The following SPAM1 variants were observed in gnomAD, a reference collection of about 807,000 sequenced individuals.
SPAM1 encodes hyaluronidase PH-20.
A neutral mutation model predicts 29.6 loss-of-function variants in SPAM1; 22 were observed. The ratio of observed to expected loss-of-function variants is 0.74; its 90% CI spans 0.53 to 1.06. The LOEUF (loss-of-function observed/expected upper bound fraction) is 1.06, where lower values mean the gene tolerates loss of function less well. Among genes scored for constraint, SPAM1 ranks in the 50% least tolerant of loss-of-function variants. SPAM1 has a pLI of 0.00. For synonymous variants in SPAM1, 194 were observed against 204.6 expected (o/e 0.95, Z 0.44); for missense variants, 534 against 604.0 (o/e 0.88, Z 1.21).
downstream of SPAM1, among the ~76,000 whole-genome samples, chr7:123,960,433 G>A (rs1044498695): frequency 6.6e-5 from 10 of 151,948 alleles, no homozygotes; most frequent in African/African-American, 2.4e-4. Context: ...AAGAGAGAGA[G>A]GGAGAAGGAA....
At chr7:123,929,915 T>TTTTTTTTTTTTA (rs1808016749) in intron 1 of SPAM1, among the ~76,000 whole-genome samples, 1 of 149,504 alleles carries the variant, frequency 6.7e-6, no homozygotes. Context: ...TTTTTTTTTT[T>TTTTTTTTTTTTA]GAGGAGTCAG....
Position 123,953,498 on chromosome 7 carries a change from C to T in SPAM1, c.-73C>T, listed in dbSNP as rs1326676860. 5 of 837,882 alleles carry T rather than the reference C, an allele frequency of 6.0e-6. No individual in the cohort carries two copies. Among genetic ancestry groups the T allele is most frequent in the Non-Finnish European group, 9.3e-6 (5 of 535,904 alleles). 51.9% of individuals were successfully genotyped at this position (837,882 alleles called of 1,614,324 possible). A position where few individuals can be genotyped will look rare whatever the true frequency, so the allele number is the denominator to read the frequency against. On this transcript the variant is annotated 5_prime_UTR_variant, in exon 3 of 5. Transcript: ENST00000682466. Reference sequence around the variant, plus strand: ...CCATTCCCTTTCATCTGTGCTCATACTTTGCATCAGATATTGGGTAAACCA... The same window carrying T: ...CCATTCCCTTTCATCTGTGCTCATATTTTGCATCAGATATTGGGTAAACCA...
At position 123,929,895 on chromosome 7, in the gene SPAM1, A is replaced by ATTTTTTTT. The variant is rs71163712; in HGVS notation, c.-319+4556_-319+4563dup. On this transcript the variant is annotated intron_variant, in intron 1 of 4. Transcript: ENST00000682466. Reference sequence around the variant, plus strand: ...AAAGAAGGAAGCTGGGTGTTTAGGGATTTTTTTTTTTTTTTTTTTTGAGGA... The same window carrying ATTTTTTTT: ...AAAGAAGGAAGCTGGGTGTTTAGGGATTTTTTTTTTTTTTTTTTTTTTTTTTTTGAGGA... 1.4e-3 allele frequency among the ~76,000 whole-genome samples: 170 copies of ATTTTTTTT among 119,778 alleles called. 4 individuals are homozygous for ATTTTTTTT. Among genetic ancestry groups the ATTTTTTTT allele is most frequent in the African/African-American group, 4.8e-3 (157 of 32,426 alleles). The allele number at this position is 119,778 out of a possible 152,430, so 78.6% of individuals were successfully genotyped here. A position where few individuals can be genotyped will look rare whatever the true frequency, so the allele number is the denominator to read the frequency against.
intron 1 of SPAM1, among the ~76,000 whole-genome samples, chr7:123,940,851 A>G (rs986479653): frequency 3.9e-5 from 6 of 152,184 alleles, no homozygotes; most frequent in African/African-American, 1.2e-4. Flanking sequence ...TAACACATCA[A>G]TGTAAATATT....
chr7:123,957,542 T>C (rs997816710), intron 4 of SPAM1, among the ~76,000 whole-genome samples: 2 of 152,024 alleles, frequency 1.3e-5, no homozygotes, highest in African/African-American at 4.8e-5. Flanking sequence ...GTTACGAAGA[T>C]GGATGGTGTA....
chr7:123,952,322 C>G lies in SPAM1; in HGVS notation c.-206-1043C>G, dbSNP rs79280696. Reference sequence around the variant, plus strand: ...ATTTATTTTTCAGCAATGGGAATGACTGGATAATTTGCTATGGTAAGGACA... The same window carrying G: ...ATTTATTTTTCAGCAATGGGAATGAGTGGATAATTTGCTATGGTAAGGACA... On this transcript the variant is annotated intron_variant, in intron 2 of 4. Transcript: ENST00000682466. Among the ~76,000 whole-genome samples, 205 of 152,084 alleles carry G rather than the reference C, an allele frequency of 1.3e-3. 5 individuals carry two copies. In the East Asian group the frequency reaches 0.035, roughly 26 times the overall value.
rs1188979243 is a variant in SPAM1, at chr7:123,954,542, T to C, written c.954+18T>C. The C allele has an allele frequency of 6.1e-6, 9 of 1,487,152 alleles. No individual in the cohort carries two copies. Among genetic ancestry groups the C allele is most frequent in the Middle Eastern group, 1.8e-4 (1 of 5,668 alleles). 92.1% of individuals were successfully genotyped at this position (1,487,152 alleles called of 1,614,324 possible). A position where few individuals can be genotyped will look rare whatever the true frequency, so the allele number is the denominator to read the frequency against. ...TTTCTCAAGTAAGTAAATCAGGGTATGAGGGCTAGGAAATGAAATTCACAA... is the reference window on the plus strand; with the variant it reads ...TTTCTCAAGTAAGTAAATCAGGGTACGAGGGCTAGGAAATGAAATTCACAA... On this transcript the variant is annotated intron_variant, in intron 3 of 4. Transcript: ENST00000682466.
At chr7:123,931,098 G>A (rs1291169527) in intron 1 of SPAM1, among the ~76,000 whole-genome samples, 1 of 152,128 alleles carries the variant, frequency 6.6e-6, no homozygotes, top group African/African-American at 2.4e-5. Flanking sequence ...CAATGAGGAT[G>A]CTGCTTGCAC....
intron 4 of SPAM1, among the ~76,000 whole-genome samples, chr7:123,956,061 TGAG>T (rs1792242927): frequency 6.6e-6 from 1 of 152,024 alleles, no homozygotes; most frequent in Admixed American, 6.6e-5. Flanking sequence ...ACTCTTACTC[TGAG>T]GAGGAGTGAA....
chr7:123,957,761 T>C (rs1441317860), intron 4 of SPAM1, among the ~76,000 whole-genome samples: 2 of 152,018 alleles, frequency 1.3e-5, no homozygotes, highest in East Asian at 3.9e-4. Flanking sequence ...CTTGTGCTTA[T>C]AGCAATGAGA....
At position 123,954,075 on chromosome 7, in the gene SPAM1, A is replaced by G; in HGVS notation, c.505A>G (p.Ile169Val). 6.2e-7 allele frequency: 1 copy of G among 1,613,442 alleles called. No homozygotes were observed. Among genetic ancestry groups the G allele is most frequent in the East Asian group, 2.2e-5 (1 of 44,836 alleles). The stretch of plus-strand genomic sequence containing the variant: ...TAAAGATGTTTACAAGAATAGGTCT[A>G]TTGAATTGGTTCAGCAACAAAATGT... Reference protein sequence around the residue: ...KPKDVYKNRSIELVQQQNVQL... With the variant: ...KPKDVYKNRSVELVQQQNVQL... The change falls in exon 3 of 5, where the codon ATT (isoleucine) becomes GTT (valine). Residue 169 changes from isoleucine to valine, a missense_variant. Transcript: ENST00000682466.
chr7:123,957,126 T>C (rs1289766049), intron 4 of SPAM1, among the ~76,000 whole-genome samples: 1 of 151,986 alleles, frequency 6.6e-6, no homozygotes, highest in African/African-American at 2.4e-5. Context: ...TTGAAGAATA[T>C]TGACAAAGTC....
At chr7:123,943,940 A>G (rs575460307) in intron 1 of SPAM1, among the ~76,000 whole-genome samples, 1 of 152,254 alleles carries the variant, frequency 6.6e-6, no homozygotes, top group African/African-American at 2.4e-5. Flanking sequence ...AATTATCTTG[A>G]CCATAAGATA....
intron 1 of SPAM1, among the ~76,000 whole-genome samples, chr7:123,928,497 A>G (rs539508786): frequency 2.6e-5 from 4 of 152,350 alleles, no homozygotes; most frequent in African/African-American, 9.6e-5. Context: ...CTAGAAAGGC[A>G]TGATGGATGT....
chr7:123,939,898 GA>G (rs1343363077), intron 1 of SPAM1, among the ~76,000 whole-genome samples: 1 of 152,162 alleles, frequency 6.6e-6, no homozygotes, highest in Non-Finnish European at 1.5e-5. Flanking sequence ...GTTTTCACCA[GA>G]ACCTGCCTTA....
intron 1 of SPAM1, among the ~76,000 whole-genome samples, chr7:123,943,064 G>A (rs1183265730): frequency 6.6e-6 from 1 of 152,116 alleles, no homozygotes; most frequent in Non-Finnish European, 1.5e-5. Flanking sequence ...ATTATTAAAA[G>A]CTGTAAATAT....
intron 1 of SPAM1, chr7:123,926,144 A>T (rs1584943464): frequency 6.6e-6 from 1 of 152,168 alleles, no homozygotes; most frequent in Admixed American, 6.5e-5. Context: ...ACAGGTAGTT[A>T]CTCTGTGTTC....
intron 1 of SPAM1, among the ~76,000 whole-genome samples, chr7:123,935,010 A>G (rs1348703013): frequency 6.6e-6 from 1 of 152,176 alleles, no homozygotes; most frequent in Admixed American, 6.5e-5. Context: ...TCATAATATG[A>G]ATGATGAATT....
intron 1 of SPAM1, among the ~76,000 whole-genome samples, chr7:123,940,240 A>G (rs1309206668): frequency 1.3e-5 from 2 of 152,188 alleles, no homozygotes; most frequent in East Asian, 1.9e-4. Flanking sequence ...TAATTTACTA[A>G]TTAACTCACT....
Sources: gnomAD v4.1 joint callset for allele counts (sites outside exome capture counted in the v4.1 genomes callset) on GRCh38, gnomAD v4.1.1 for gene constraint, MANE v1.5 for transcripts, NCBI Gene and HGNC (gene_info 2026-07-23, HGNC 2026-07-21) for gene names.